The following MICALL2 variants were observed in gnomAD, a reference collection of about 807,000 sequenced individuals.
MICALL2 encodes the protein MICAL-like protein 2.
In MICALL2, 111 loss-of-function variants were observed where a neutral mutation model predicts 91.1. The observed-to-expected ratio is 1.22, with a 90% confidence interval of 1.04 to 1.43. The LOEUF is 1.43. Among genes scored for constraint, MICALL2 ranks in the 40% most tolerant of loss-of-function variants. MICALL2 has a pLI of 0.00. For missense variants in MICALL2, 1,556 were observed against 1,236.0 expected (o/e 1.26, Z -3.88); for synonymous variants, 694 against 525.3 (o/e 1.32, Z -4.39).
intron 1 of MICALL2, among the ~76,000 whole-genome samples, chr7:1,458,210 G>A (rs1215366051): frequency 6.6e-6 from 1 of 152,242 alleles, no homozygotes; most frequent in Non-Finnish European, 1.5e-5. Context: ...GCAACGGGCT[G>A]GGGCTGTGTG....
Position 1,459,463 on chromosome 7 carries a change from G to T in MICALL2, c.-137C>A. 1 of 798,628 alleles carries T rather than the reference G, an allele frequency of 1.3e-6. No individual in the cohort carries two copies. The highest frequency in any genetic ancestry group is 1.8e-5 in the African/African-American group (1 of 54,514). The allele number at this position is 798,628 out of a possible 1,614,324, so 49.5% of individuals were successfully genotyped here. On this transcript the variant is annotated 5_prime_UTR_variant, in exon 1 of 17. Coordinates refer to ENST00000297508, the MANE Select transcript of MICALL2 (RefSeq NM_182924.4). ...ACCCACGGCGCCCAGCCCCAGCTGA[G>T]CCGGACTGAGGGCGACGAGTGCCGG...
At chr7:1,436,320 T>C (rs1011903872) in intron 15 of MICALL2, among the ~76,000 whole-genome samples, 29 of 151,740 alleles carry the variant, frequency 1.9e-4, no homozygotes, top group Non-Finnish European at 1.3e-4. Flanking sequence ...AGACGGAGGT[T>C]GCAGTGAGCC....
In MICALL2 at chr7:1,448,657, C is replaced by T. The variant is rs1290567854; in HGVS notation, c.297G>A (p.Val99=). The T allele has an allele frequency of 1.3e-5, 21 of 1,612,616 alleles. No homozygotes were observed. Among genetic ancestry groups the T allele is most frequent in the Admixed American group, 3.3e-5 (2 of 60,010 alleles). The change falls in exon 3 of 17, where the codon GTG becomes GTA. Residue 99 remains valine (V), a synonymous_variant. Transcript: ENST00000297508. The part of the protein sequence containing the change: ...VPDRLSILTY[V]SQYYNYFHGR... The stretch of plus-strand genomic sequence containing the variant: ...CGTGGAAGTAGTTGTAATACTGGGA[C>T]ACGTAGGTCAAGATGCTCAGCCGGT...
chr7:1,453,687 G>T (rs1334465799), intron 1 of MICALL2, among the ~76,000 whole-genome samples: 1 of 152,172 alleles, frequency 6.6e-6, no homozygotes, highest in African/African-American at 2.4e-5. Context: ...CAGGCTGTGG[G>T]ATGGGGGCTG....
In MICALL2 at chr7:1,442,387, G is replaced by A. The variant is rs770415572; in HGVS notation, c.1516C>T (p.Arg506Trp). ...LAKPLQSSSP[R>W]VLGLPSRMEP... ...ATCCTCGAAGGGAGGCCAAGCACCCGGGGAGACGAGGACTGTAACGGCTTG... is the reference window on the plus strand; with the variant it reads ...ATCCTCGAAGGGAGGCCAAGCACCCAGGGAGACGAGGACTGTAACGGCTTG... Residue 506 changes from arginine to tryptophan, a missense_variant, in exon 7 of 17, where the codon CGG becomes TGG. Transcript: ENST00000297508. 3.2e-5 allele frequency: 52 copies of A among 1,607,786 alleles called. No homozygotes were observed. The highest frequency in any genetic ancestry group is 3.7e-5 in the Non-Finnish European group (44 of 1,176,624).
chr7:1,438,164 C>A lies in MICALL2; in HGVS notation c.2244G>T (p.Glu748Asp). The A allele has an allele frequency of 6.4e-7, 1 of 1,565,820 alleles. No individual in the cohort carries two copies. The highest frequency in any genetic ancestry group is 2.4e-5 in the East Asian group (1 of 42,408). ...GGAGCTCCAGGGCGTCCAGCCGCCT[C>A]TCGATGTCCTGCAGCTGCCTCTGTA... ...EEIQRQLQDI[E>D]RRLDALELRG... The change falls in exon 12 of 17, where the codon GAG becomes GAT. Residue 748 changes from glutamate to aspartate, a missense_variant. Coordinates refer to ENST00000297508, the MANE Select transcript of MICALL2 (RefSeq NM_182924.4).
In MICALL2 at chr7:1,437,930, T is replaced by C. The variant is rs1780054800; in HGVS notation, c.2362A>G (p.Lys788Glu). 1 of 1,549,650 alleles carries C rather than the reference T, an allele frequency of 6.5e-7. No homozygotes were observed. Among genetic ancestry groups the C allele is most frequent in the Non-Finnish European group, 8.7e-7 (1 of 1,146,970 alleles). ...GACTCCTGTCTCAGCAGAAGCTGCT[T>C]CTCGTGAATGAGCCAGAACCAGTCC... ...MVDWFWLIHE[K>E]QLLLRQESEL... Residue 788 changes from lysine (K) to glutamate (E), a missense_variant, in exon 13 of 17, where the codon AAG (lysine) becomes GAG (glutamate). Lys to Glu is a moderately conservative substitution (Grantham distance 56, BLOSUM62 1). Coordinates refer to ENST00000297508, the MANE Select transcript of MICALL2 (RefSeq NM_182924.4).
chr7:1,458,260 G>A (rs565998632), intron 1 of MICALL2, among the ~76,000 whole-genome samples: 1 of 152,196 alleles, frequency 6.6e-6, no homozygotes, highest in African/African-American at 2.4e-5. Context: ...CGGTTCTCTG[G>A]TCTGCACAGC....
Position 1,445,244 on chromosome 7 carries a change from C to T in MICALL2, c.826G>A (p.Ala276Thr), listed in dbSNP as rs1780517856. 3 of 1,612,034 alleles carry T rather than the reference C, an allele frequency of 1.9e-6. No homozygotes were observed. The highest frequency in any genetic ancestry group is 2.5e-6 in the Non-Finnish European group (3 of 1,179,724). ...GGTCTGGCCTTGTTTGCCTCCTGGGCCTTCTGTGGGGAACAGGAGGTCCTG... is the reference window on the plus strand; with the variant it reads ...GGTCTGGCCTTGTTTGCCTCCTGGGTCTTCTGTGGGGAACAGGAGGTCCTG... ...DSRTSCSPQK[A>T]QEANKARPSA... Residue 276 changes from alanine (A) to threonine (T), a missense_variant, in exon 6 of 17, where the codon GCC (alanine) becomes ACC (threonine). Physicochemically the swap from Ala to Thr is moderately conservative, Grantham distance 58. Coordinates refer to ENST00000297508, the MANE Select transcript of MICALL2 (RefSeq NM_182924.4).
At chr7:1,453,017 C>T (rs1214200840) in intron 1 of MICALL2, among the ~76,000 whole-genome samples, 2 of 151,770 alleles carry the variant, frequency 1.3e-5, no homozygotes, top group East Asian at 2.0e-4. Flanking sequence ...TTGCTGTCCC[C>T]GAGCTCACAC....
At chr7:1,456,325 T>C (rs1781014875) in intron 1 of MICALL2, among the ~76,000 whole-genome samples, 1 of 152,152 alleles carries the variant, frequency 6.6e-6, no homozygotes. Context: ...CTCGCGCCCA[T>C]AACCCCAGAA....
intron 10 of MICALL2, 55 bp from the exon 11 acceptor site, chr7:1,438,408 C>T (rs949037396): frequency 6.4e-7 from 1 of 1,559,702 alleles, no homozygotes; most frequent in African/African-American, 1.4e-5. Flanking sequence ...CCCAACGTGA[C>T]CAGGACACAG....
At chr7:1,439,359 A>G (rs1461756427) in intron 9 of MICALL2, 3 of 257,850 alleles carry the variant, frequency 1.2e-5, no homozygotes, top group African/African-American at 2.2e-5. Flanking sequence ...CATCACATTC[A>G]TGAAACAGAT....
intron 1 of MICALL2, chr7:1,450,617 G>A (rs931453812): frequency 2.6e-5 from 8 of 311,672 alleles, no homozygotes; most frequent in Admixed American, 8.3e-5. Context: ...AGCCCAGGGC[G>A]GTTCAGCACA....
At position 1,438,236 on chromosome 7, in the gene MICALL2, C is replaced by T. The variant is rs1234126297; in HGVS notation, c.2188-16G>A. Reference sequence around the variant, plus strand: ...CGGGGTGCAGCTGGGAACGGAGGGGCGGTGAGGATGCCGGAGGGCTGGGCC... The same window carrying T: ...CGGGGTGCAGCTGGGAACGGAGGGGTGGTGAGGATGCCGGAGGGCTGGGCC... On this transcript the variant is annotated splice_polypyrimidine_tract_variant and intron_variant, in intron 11 of 16. Transcript: ENST00000297508. 6.3e-6 allele frequency: 10 copies of T among 1,588,714 alleles called. No individual in the cohort carries two copies. The highest frequency in any genetic ancestry group is 2.7e-5 in the African/African-American group (2 of 74,582).
chr7:1,442,408 G>A lies in MICALL2; in HGVS notation c.1495C>T (p.Pro499Ser), dbSNP rs1038674348. 1 of 1,595,616 alleles carries A rather than the reference G, an allele frequency of 6.3e-7. No homozygotes were observed. The highest frequency in any genetic ancestry group is 8.5e-7 in the Non-Finnish European group (1 of 1,169,936). Reference protein sequence around the residue: ...EAPQASPLAKPLQSSSPRVLG... With the variant: ...EAPQASPLAKSLQSSSPRVLG... ...ACCCGGGGAGACGAGGACTGTAACG[G>A]CTTGGCTAAGGGACTTGCTTGTGGT... is the stretch of plus-strand genomic sequence containing the variant. Residue 499 changes from proline to serine, a missense_variant, in exon 7 of 17, where the codon CCG (proline) becomes TCG (serine). Pro to Ser is a moderately conservative substitution (Grantham distance 74). Coordinates refer to ENST00000297508, the MANE Select transcript of MICALL2 (RefSeq NM_182924.4).
intron 1 of MICALL2, chr7:1,450,652 C>T: frequency 4.7e-6 from 1 of 211,912 alleles, no homozygotes; most frequent in Non-Finnish European, 9.6e-6. Context: ...GGGCTCTTCC[C>T]ATCACAACGC....
rs1455097866 is a variant in MICALL2 at position 1,452,380 on chromosome 7, G to A, written c.144-2092C>T. Among the ~76,000 whole-genome samples, 1 of 151,988 alleles carries A rather than the reference G, an allele frequency of 6.6e-6. No homozygotes were observed. The highest frequency in any genetic ancestry group is 6.6e-5 in the Admixed American group (1 of 15,262). Reference sequence around the variant, plus strand: ...GCCCAGGGACTCTGCAGCCATGCTGGGCGTCAGCCTCAGCCCCCAGGGCTT... The same window carrying A: ...GCCCAGGGACTCTGCAGCCATGCTGAGCGTCAGCCTCAGCCCCCAGGGCTT... On this transcript the variant is annotated intron_variant, in intron 1 of 16. Coordinates refer to ENST00000297508, the MANE Select transcript of MICALL2 (RefSeq NM_182924.4). This position sits in a 1 kb window ranked among gnomAD's most constrained non-coding sequence, Gnocchi z 6.2.
At chr7:1,455,628 C>T (rs1037261436) in intron 1 of MICALL2, among the ~76,000 whole-genome samples, 43 of 149,768 alleles carry the variant, frequency 2.9e-4, no homozygotes, top group African/African-American at 9.4e-4. Context: ...TCCGGATCCC[C>T]GCCCCCTCCA....
Sources: gnomAD v4.1 joint callset for allele counts (sites outside exome capture counted in the v4.1 genomes callset) on GRCh38, gnomAD v4.1.1 for gene constraint, Gnocchi (gnomAD v3.1) non-coding constraint, MANE v1.5 for transcripts, NCBI Gene and HGNC (gene_info 2026-07-23, HGNC 2026-07-21) for gene names.